Variants in TENM3 observed in about 807,000 individuals in gnomAD.
TENM3 encodes teneurin transmembrane protein 3, also known as teneurin-3.
TENM3 carries 63 observed loss-of-function variants against 255.1 expected under a neutral mutation model. That is an observed-to-expected ratio of 0.25 (90% CI 0.20 to 0.30). The LOEUF (loss-of-function observed/expected upper bound fraction) is 0.30. TENM3 is among the 10% of genes least tolerant of loss of function. The pLI, the probability that TENM3 is intolerant of heterozygous loss-of-function variation, is 1.00. For missense variants in TENM3, 2,929 were observed against 3,461.1 expected (o/e 0.85, Z 3.86); for synonymous variants, 1,306 against 1,322.3 (o/e 0.99, Z 0.27).
chr4:182,028,174 G>A, the TENM3 span, among the ~76,000 whole-genome samples: 1 of 152,046 alleles, frequency 6.6e-6, no homozygotes, highest in South Asian at 2.1e-4. Context: ...TCCAGTTTCG[G>A]ATTTCCTCAT....
the TENM3 span, among the ~76,000 whole-genome samples, chr4:181,812,171 C>A: frequency 1.3e-5 from 2 of 152,098 alleles, no homozygotes; most frequent in South Asian, 4.1e-4. Context: ...TTTTTTAGAG[C>A]TGGTGGCTTT....
chr4:181,783,804 C>T, the TENM3 span, among the ~76,000 whole-genome samples: 3 of 152,182 alleles, frequency 2.0e-5, no homozygotes, highest in Admixed American at 6.5e-5. Context: ...TCAAGTGATG[C>T]CCCTCAAGCC....
At chr4:182,288,908 T>C (rs369458811) in intron 1 of TENM3, among the ~76,000 whole-genome samples, 8 of 152,248 alleles carry the variant, frequency 5.3e-5, no homozygotes, top group African/African-American at 1.9e-4. Flanking sequence ...TGCTAAGCAA[T>C]TTAACTGGCC....
chr4:181,859,581 T>C, the TENM3 span, among the ~76,000 whole-genome samples: 1 of 152,214 alleles, frequency 6.6e-6, no homozygotes, highest in Non-Finnish European at 1.5e-5. Flanking sequence ...CAATATGTTT[T>C]ATTTGAGAAA....
rs112029701 is a variant in TENM3, at chr4:182,232,560, C to T, written c.-76+87806C>T. Reference sequence around the variant, plus strand: ...CCAACATGGCGAAACCCCATGTCTACTAAAAATACGAAAATTAGCTGGGTG... The same window carrying T: ...CCAACATGGCGAAACCCCATGTCTATTAAAAATACGAAAATTAGCTGGGTG... On this transcript the variant is annotated intron_variant, in intron 1 of 2. Coordinates refer to the TENM3 transcript ENST00000512480. 6.0e-3 allele frequency among the ~76,000 whole-genome samples: 915 copies of T among 152,182 alleles called. 15 individuals carry two copies. The highest frequency in any genetic ancestry group is 0.021 in the African/African-American group (887 of 41,520).
chr4:182,578,391 T>A (rs563559980), intron 3 of TENM3, among the ~76,000 whole-genome samples: 4 of 152,226 alleles, frequency 2.6e-5, no homozygotes, highest in African/African-American at 9.6e-5. Context: ...CATATTGTTC[T>A]CCCCTTCTTC....
At chr4:182,048,937 G>C in the TENM3 span, among the ~76,000 whole-genome samples, 1 of 152,146 alleles carries the variant, frequency 6.6e-6, no homozygotes, top group East Asian at 1.9e-4. Context: ...TTCAAAATCT[G>C]CTCTGATGTG....
chr4:181,452,580 T>A, the TENM3 span, among the ~76,000 whole-genome samples: 1 of 152,146 alleles, frequency 6.6e-6, no homozygotes, highest in Non-Finnish European at 1.5e-5. Context: ...TGATTGTAAG[T>A]TTCCTGAGGC....
At chr4:182,682,587 G>A (rs781388363) in intron 11 of TENM3, among the ~76,000 whole-genome samples, 2 of 152,178 alleles carry the variant, frequency 1.3e-5, no homozygotes, top group Non-Finnish European at 2.9e-5. Context: ...GGCCCTGTAA[G>A]ACTGAAAGAC....
chr4:181,985,718 A>T, the TENM3 span, among the ~76,000 whole-genome samples: 1 of 152,146 alleles, frequency 6.6e-6, no homozygotes, highest in African/African-American at 2.4e-5. Context: ...AAAGCAACAA[A>T]ATGTGGGGTT....
In TENM3 at chr4:182,346,693, C is replaced by T. The variant is rs1296451289; in HGVS notation, c.275C>T (p.Ala92Val). 1.2e-6 allele frequency: 2 copies of T among 1,613,540 alleles called. No homozygotes were observed. The highest frequency in any genetic ancestry group is 1.1e-5 in the South Asian group (1 of 91,036). ...AGGCAGTTAGGAGTTTGTGAACCAGCAACTCGAAGAGGACTGGCATTTTGT... is the reference window on the plus strand; with the variant it reads ...AGGCAGTTAGGAGTTTGTGAACCAGTAACTCGAAGAGGACTGGCATTTTGT... ...TLRQLGVCEP[A>V]TRRGLAFCAE... The change falls in exon 3 of 28, where the codon GCA (alanine) becomes GTA (valine). Residue 92 changes from alanine to valine, a missense_variant. This residue lies in a region of TENM3 where 283 missense variants were observed against 256.9 expected (regional missense o/e 1.10). Transcript: ENST00000511685.
At chr4:182,435,840 A>G (rs1429148603) in intron 3 of TENM3, among the ~76,000 whole-genome samples, 2 of 152,184 alleles carry the variant, frequency 1.3e-5, no homozygotes, top group African/African-American at 4.8e-5. Context: ...CAGTTAGTAC[A>G]TACATAAGGA....
the TENM3 span, among the ~76,000 whole-genome samples, chr4:182,066,590 TAAA>T: frequency 1.8e-3 from 248 of 136,320 alleles, 2 homozygotes; most frequent in South Asian, 5.6e-3. Context: ...AGAATTATGG[TAAA>T]AAAAAAATAT....
At chr4:182,256,780 G>A (rs976242511) in intron 1 of TENM3, among the ~76,000 whole-genome samples, 2 of 151,996 alleles carry the variant, frequency 1.3e-5, no homozygotes, top group African/African-American at 4.8e-5. Context: ...TAGCTGTGTT[G>A]GAGCATTTCC....
chr4:182,249,449 C>T (rs1436078281), intron 1 of TENM3, among the ~76,000 whole-genome samples: 4 of 152,146 alleles, frequency 2.6e-5, no homozygotes, highest in Non-Finnish European at 4.4e-5. Flanking sequence ...ATGCTGTTTT[C>T]GTACTAGAAG....
chr4:182,781,399 G>A (rs113883226), intron 24 of TENM3, among the ~76,000 whole-genome samples: 1 of 148,046 alleles, frequency 6.8e-6, no homozygotes, highest in Non-Finnish European at 1.5e-5. Context: ...GCATCCCAGG[G>A]ATGAAGCCCA....
chr4:181,825,425 A>AAAAAAAC, the TENM3 span, among the ~76,000 whole-genome samples: 1 of 110,244 alleles, frequency 9.1e-6, no homozygotes, highest in Non-Finnish European at 2.0e-5. Context: ...AAAAAAAAAA[A>AAAAAAAC]ACAGAGAATA....
chr4:182,637,048 A>G (rs1404365847), intron 5 of TENM3, among the ~76,000 whole-genome samples: 2 of 152,226 alleles, frequency 1.3e-5, no homozygotes, highest in African/African-American at 4.8e-5. Flanking sequence ...CTTTTACATT[A>G]GTGGTACTAA....
At chr4:181,662,228 G>A in the TENM3 span, among the ~76,000 whole-genome samples, 4 of 152,168 alleles carry the variant, frequency 2.6e-5, no homozygotes, top group East Asian at 7.7e-4. Context: ...TTGTACTTCA[G>A]ATCTAGATGC....
Sources: allele counts gnomAD v4.1 joint callset (sites outside exome capture counted in the v4.1 genomes callset), GRCh38; gene constraint gnomAD v4.1.1; regional missense constraint gnomAD v4.1.1; transcripts MANE v1.5; gene names NCBI Gene and HGNC (gene_info 2026-07-23, HGNC 2026-07-21).